Variants in KLF13 observed in about 807,000 individuals in gnomAD.
The protein encoded by KLF13 is KLF transcription factor 13.
Under a neutral mutation model 16.7 loss-of-function variants are expected in KLF13, and 8 were observed. The ratio of observed to expected loss-of-function variants is 0.48; its 90% CI spans 0.28 to 0.87. The LOEUF is 0.87. Ranked by LOEUF, KLF13 falls within the 40% of genes least tolerant of loss-of-function variation. KLF13 has a pLI of 0.10. For synonymous variants in KLF13, 245 were observed against 208.4 expected (o/e 1.18, Z -1.51); for missense variants, 447 against 452.2 (o/e 0.99, Z 0.10).
chr15:31,423,163 A>ATG (rs1555383366), intron 1 of KLF13, among the ~76,000 whole-genome samples: 1 of 118,090 alleles, frequency 8.5e-6, no homozygotes, highest in Non-Finnish European at 1.6e-5. Flanking sequence ...ACGTATATAT[A>ATG]TGTATATATA....
chr15:31,343,036 G>A (rs1476188683), intron 1 of KLF13, among the ~76,000 whole-genome samples: 2 of 152,258 alleles, frequency 1.3e-5, no homozygotes, highest in African/African-American at 4.8e-5. Context: ...TCCTGGCCAT[G>A]GAGTTTCCGC....
intron 1 of KLF13, among the ~76,000 whole-genome samples, chr15:31,423,146 T>TATATATATAC (rs2040359031): frequency 3.9e-5 from 4 of 102,018 alleles, no homozygotes; most frequent in African/African-American, 1.9e-4. Flanking sequence ...TACGTATACG[T>TATATATATAC]ATATATACGT....
chr15:31,394,357 G>A (rs2039923037), intron 2 of KLF13, among the ~76,000 whole-genome samples: 1 of 151,934 alleles, frequency 6.6e-6, no homozygotes, highest in Non-Finnish European at 1.5e-5. Context: ...CGTGGTGGCG[G>A]GCACCTGTAG....
At chr15:31,403,198 T>G (rs1595501380) in intron 2 of KLF13, among the ~76,000 whole-genome samples, 2 of 152,362 alleles carry the variant, frequency 1.3e-5, no homozygotes, top group South Asian at 4.1e-4. Flanking sequence ...TGAAGCAGTT[T>G]TGGGGCAAGA....
rs2039643926 is a variant in KLF13, at chr15:31,376,279, T to C, written c.*3980T>C. 7.1e-6 allele frequency: 1 copy of C among 140,470 alleles called. No individual in the cohort carries two copies. The highest frequency in any genetic ancestry group is 2.7e-5 in the African/African-American group (1 of 37,556). 8.7% of individuals were successfully genotyped at this position (140,470 alleles called of 1,614,324 possible). On this transcript the variant is annotated 3_prime_UTR_variant, in exon 2 of 2. Coordinates refer to ENST00000307145, the MANE Select transcript of KLF13 (RefSeq NM_015995.4). ...TAGTGTGGCCTTGTTTCTCCGCTTC[T>C]GGTTGTGGCTGTGTGTACAGGGCTA...
At chr15:31,335,954 T>C (rs762695417) in intron 1 of KLF13, among the ~76,000 whole-genome samples, 4 of 152,236 alleles carry the variant, frequency 2.6e-5, no homozygotes, top group Non-Finnish European at 4.4e-5. Flanking sequence ...TGGCCTCCTG[T>C]CTCAGGAGAA....
intron 1 of KLF13, among the ~76,000 whole-genome samples, chr15:31,335,832 G>A (rs1386826077): frequency 6.6e-6 from 1 of 152,240 alleles, no homozygotes; most frequent in African/African-American, 2.4e-5. Context: ...ACAGGGCACA[G>A]GCTCGTCTCC....
intron 1 of KLF13, among the ~76,000 whole-genome samples, chr15:31,365,775 C>T (rs2039458774): frequency 6.6e-6 from 1 of 152,076 alleles, no homozygotes; most frequent in Non-Finnish European, 1.5e-5. Context: ...AGCACGCACA[C>T]TCCTGAGCTG....
At chr15:31,405,405 C>T (rs896816299), downstream of KLF13, among the ~76,000 whole-genome samples, 4 of 152,212 alleles carry the variant, frequency 2.6e-5, no homozygotes, top group Non-Finnish European at 5.9e-5. Context: ...CTGCGGTCTA[C>T]GAACCAGGAA....
intron 1 of KLF13, among the ~76,000 whole-genome samples, chr15:31,419,877 A>G (rs951360121): frequency 2.0e-5 from 3 of 152,192 alleles, no homozygotes; most frequent in Admixed American, 6.5e-5. Context: ...TTGTAATCAA[A>G]CTATCAAGGA....
chr15:31,327,206 C>A lies in KLF13; in HGVS notation c.-7C>A. The A allele has an allele frequency of 7.5e-7, 1 of 1,338,710 alleles. No individual in the cohort carries two copies. The allele number at this position is 1,338,710 out of a possible 1,614,324, so 82.9% of individuals were successfully genotyped here. ...CAAGAGCACCGCCGCCGGCCCCAGC[C>A]CGCAGCATGGCAGCCGCCGCCTATG... On this transcript the variant is annotated 5_prime_UTR_variant, in exon 1 of 2. Transcript: ENST00000307145.
intron 1 of KLF13, among the ~76,000 whole-genome samples, chr15:31,386,923 A>T (rs1409310876): frequency 6.6e-6 from 1 of 152,188 alleles, no homozygotes; most frequent in East Asian, 1.9e-4. Context: ...TTTACTGAAT[A>T]TTTTTAAGCC....
chr15:31,341,911 G>T (rs914363510), intron 1 of KLF13, among the ~76,000 whole-genome samples: 5 of 152,168 alleles, frequency 3.3e-5, no homozygotes, highest in African/African-American at 1.2e-4. Flanking sequence ...CAGCCTGTGA[G>T]CTTCTGTGAG....
chr15:31,410,569 GT>G (rs1396112166), intron 1 of KLF13, among the ~76,000 whole-genome samples: 1 of 145,988 alleles, frequency 6.8e-6, no homozygotes, highest in African/African-American at 2.6e-5. Context: ...CATGCAGACA[GT>G]AAACACCAAC....
chr15:31,342,741 C>T (rs1367335074), intron 1 of KLF13, among the ~76,000 whole-genome samples: 2 of 152,148 alleles, frequency 1.3e-5, no homozygotes, highest in Non-Finnish European at 2.9e-5. Context: ...GGCAGCAGTT[C>T]TATGTTTGCA....
intron 1 of KLF13, among the ~76,000 whole-genome samples, chr15:31,383,644 T>TA (rs1424184155): frequency 6.6e-6 from 1 of 152,236 alleles, no homozygotes; most frequent in African/African-American, 2.4e-5. Context: ...CTCACGCCTA[T>TA]AATCCCAGCA....
chr15:31,435,146 T>C (rs2040514932), intron 1 of KLF13, among the ~76,000 whole-genome samples: 1 of 152,158 alleles, frequency 6.6e-6, no homozygotes. Flanking sequence ...TTTGTCTATG[T>C]TTTGTCCTTT....
intron 1 of KLF13, among the ~76,000 whole-genome samples, chr15:31,411,457 G>A (rs912231569): frequency 4.7e-5 from 7 of 149,862 alleles, no homozygotes; most frequent in Non-Finnish European, 7.4e-5. Context: ...ATGCAGTGGC[G>A]CGATCTTGGC....
chr15:31,421,061 A>G (rs1595511909), intron 1 of KLF13, among the ~76,000 whole-genome samples: 1 of 152,070 alleles, frequency 6.6e-6, no homozygotes, highest in East Asian at 1.9e-4. Flanking sequence ...TGATTTCTGT[A>G]TAGGACTCTG....
Sources: gnomAD v4.1 joint callset for allele counts (sites outside exome capture counted in the v4.1 genomes callset) on GRCh38, gnomAD v4.1.1 for gene constraint, MANE v1.5 for transcripts, NCBI Gene and HGNC (gene_info 2026-07-23, HGNC 2026-07-21) for gene names.